MECOM: variants seen among roughly 807,000 people sequenced by gnomAD.
The protein encoded by MECOM is MDS1 and EVI1 complex locus.
In MECOM, 13 loss-of-function variants were observed where a neutral mutation model predicts 116.3. The observed-to-expected ratio is 0.11, with a 90% CI of 0.07 to 0.18. The LOEUF (loss-of-function observed/expected upper bound fraction) is 0.18. Among genes scored for constraint, MECOM ranks in the 10% least tolerant of loss-of-function variants. The pLI, the probability that MECOM is intolerant of heterozygous loss-of-function variation, is 1.00. For synonymous variants in MECOM, 528 were observed against 535.2 expected (o/e 0.99, Z 0.19); for missense variants, 1,299 against 1,509.0 (o/e 0.86, Z 2.31).
chr3:169,364,030 G>T (rs556654228), intron 2 of MECOM, among the ~76,000 whole-genome samples: 1 of 151,832 alleles, frequency 6.6e-6, no homozygotes, highest in Non-Finnish European at 1.5e-5. Flanking sequence ...TTATAATTTT[G>T]TCTGTATTGC....
chr3:169,267,106 C>T (rs1362955320), intron 2 of MECOM, among the ~76,000 whole-genome samples: 2 of 152,208 alleles, frequency 1.3e-5, no homozygotes, highest in African/African-American at 4.8e-5. Flanking sequence ...GCATGGCTGA[C>T]GATTTGCAAC....
chr3:169,652,834 C>T (rs779254356), intron 1 of MECOM, among the ~76,000 whole-genome samples: 27 of 152,174 alleles, frequency 1.8e-4, no homozygotes, highest in Non-Finnish European at 3.5e-4. Flanking sequence ...GGCAGCAAAA[C>T]TGCCTACATT....
chr3:169,425,196 C>A (rs966180669), intron 1 of MECOM, among the ~76,000 whole-genome samples: 1 of 151,276 alleles, frequency 6.6e-6, no homozygotes, highest in Non-Finnish European at 1.5e-5. Context: ...TCTCAGAGGA[C>A]CTTGGAGCAC....
chr3:169,589,019 A>G (rs149016501), intron 1 of MECOM, among the ~76,000 whole-genome samples: 3 of 152,180 alleles, frequency 2.0e-5, no homozygotes, highest in Non-Finnish European at 4.4e-5. Flanking sequence ...AAGTATGACT[A>G]TTCCATATCT....
intron 2 of MECOM, among the ~76,000 whole-genome samples, chr3:169,278,489 T>C (rs551230782): frequency 6.1e-4 from 93 of 152,360 alleles, no homozygotes; most frequent in Non-Finnish European, 1.1e-3. Flanking sequence ...CAAATTTATT[T>C]TGAGAATTGT....
intron 2 of MECOM, among the ~76,000 whole-genome samples, chr3:169,172,499 T>A (rs901986064): frequency 1.3e-5 from 2 of 151,420 alleles, no homozygotes; most frequent in Non-Finnish European, 2.9e-5. Context: ...CCAATAAACT[T>A]AATCTCAGAA....
intron 2 of MECOM, among the ~76,000 whole-genome samples, chr3:169,291,740 A>G (rs1204395570): frequency 6.6e-6 from 1 of 152,234 alleles, no homozygotes; most frequent in Non-Finnish European, 1.5e-5. Flanking sequence ...TAGGCAGTGC[A>G]TACATGCTGA....
At chr3:169,234,688 T>C (rs1753818083) in intron 2 of MECOM, among the ~76,000 whole-genome samples, 1 of 152,198 alleles carries the variant, frequency 6.6e-6, no homozygotes, top group African/African-American at 2.4e-5. Context: ...CCACTTCTCT[T>C]TTGTCATTGG....
chr3:169,562,881 G>A (rs1762815077), intron 1 of MECOM, among the ~76,000 whole-genome samples: 1 of 152,170 alleles, frequency 6.6e-6, no homozygotes, highest in South Asian at 2.1e-4. Flanking sequence ...GGCCAACATA[G>A]TGAAACCCCA....
rs544406559 is a variant in MECOM, at chr3:169,239,099, G to C, written c.376-95267C>G. On this transcript the variant is annotated intron_variant, in intron 2 of 16. Transcript: ENST00000651503. Reference sequence around the variant, plus strand: ...ATGTTACATGTGAACTGCTATAAAAGTAAATTTTAAATTAATCACAAAACC... The same window carrying C: ...ATGTTACATGTGAACTGCTATAAAACTAAATTTTAAATTAATCACAAAACC... 5.3e-5 allele frequency among the ~76,000 whole-genome samples: 8 copies of C among 152,210 alleles called. 1 individual carries two copies. Among genetic ancestry groups the C allele is most frequent in the African/African-American group, 1.9e-4 (8 of 41,552 alleles).
At chr3:169,150,308 C>T (rs755388122) in intron 2 of MECOM, among the ~76,000 whole-genome samples, 7 of 152,168 alleles carry the variant, frequency 4.6e-5, no homozygotes, top group Non-Finnish European at 8.8e-5. Flanking sequence ...AGCTTGCTTT[C>T]CATCAGAAGG....
chr3:169,285,804 G>A (rs1009585210), intron 2 of MECOM, among the ~76,000 whole-genome samples: 3 of 152,092 alleles, frequency 2.0e-5, no homozygotes, highest in African/African-American at 7.2e-5. Context: ...GTTTCCTTGG[G>A]GGAATGCATT....
chr3:169,609,431 A>T (rs1352810708), intron 1 of MECOM, among the ~76,000 whole-genome samples: 1 of 151,458 alleles, frequency 6.6e-6, no homozygotes, highest in Non-Finnish European at 1.5e-5. Flanking sequence ...AAATCTGAAT[A>T]ATGTGCAGTG....
At chr3:169,606,419 A>G (rs549054654) in intron 1 of MECOM, among the ~76,000 whole-genome samples, 208 of 151,966 alleles carry the variant, frequency 1.4e-3, no homozygotes, top group Non-Finnish European at 2.1e-3. Flanking sequence ...AAAAAAAAAA[A>G]AAAAGAAAAA....
chr3:169,266,793 T>C (rs1305407154), intron 2 of MECOM, among the ~76,000 whole-genome samples: 1 of 152,140 alleles, frequency 6.6e-6, no homozygotes, highest in Non-Finnish European at 1.5e-5. Context: ...AGACAAGAAG[T>C]TGCCTATTCA....
chr3:169,173,014 C>A (rs967397212), intron 2 of MECOM, among the ~76,000 whole-genome samples: 1 of 152,034 alleles, frequency 6.6e-6, no homozygotes, highest in Non-Finnish European at 1.5e-5. Flanking sequence ...TGTGATTTTT[C>A]CATAGTTTAC....
At chr3:169,107,035 A>G (rs1725667656) in intron 10 of MECOM, among the ~76,000 whole-genome samples, 1 of 152,186 alleles carries the variant, frequency 6.6e-6, no homozygotes, top group Non-Finnish European at 1.5e-5. Context: ...ATAAAGAAAA[A>G]TTAACATCAA....
intron 2 of MECOM, among the ~76,000 whole-genome samples, chr3:169,321,294 C>G (rs182250485): frequency 6.6e-6 from 1 of 152,314 alleles, no homozygotes; most frequent in East Asian, 1.9e-4. Flanking sequence ...GTAATCCCAG[C>G]ACTTTGGGAG....
intron 1 of MECOM, among the ~76,000 whole-genome samples, chr3:169,540,274 C>A (rs1038552063): frequency 4.6e-5 from 7 of 152,000 alleles, no homozygotes; most frequent in Non-Finnish European, 1.0e-4. Flanking sequence ...AGATTTTTTT[C>A]TCCCTTTCCC....
Sources: allele counts gnomAD v4.1 joint callset (sites outside exome capture counted in the v4.1 genomes callset), GRCh38; gene constraint gnomAD v4.1.1; transcripts MANE v1.5; gene names NCBI Gene and HGNC (gene_info 2026-07-23, HGNC 2026-07-21).